GNG2: variants seen among roughly 807,000 people sequenced by gnomAD.
The protein encoded by GNG2 is G protein subunit gamma 2.
A neutral mutation model predicts 5.5 loss-of-function variants in GNG2; 5 were observed. That is an observed-to-expected ratio of 0.91 (90% CI 0.48 to 1.92). The LOEUF (loss-of-function observed/expected upper bound fraction) is 1.92, where lower values mean the gene tolerates loss of function less well. Among genes scored for constraint, GNG2 ranks in the 30% most tolerant of loss-of-function variants. GNG2 has a pLI of 0.01. For synonymous variants in GNG2, 28 were observed against 32.0 expected (o/e 0.88, Z 0.42); for missense variants, 55 against 88.4 (o/e 0.62, Z 1.52).
chr14:51,891,141 A>T (rs1218898530), intron 2 of GNG2, among the ~76,000 whole-genome samples: 3 of 152,204 alleles, frequency 2.0e-5, no homozygotes, highest in African/African-American at 7.2e-5. Context: ...AGTTGTCCTC[A>T]ATGATTAGCC....
upstream of GNG2, among the ~76,000 whole-genome samples, chr14:51,856,112 A>C (rs965198202): frequency 3.3e-5 from 5 of 152,176 alleles, no homozygotes; most frequent in Admixed American, 1.3e-4. Flanking sequence ...TGGGAGGTGG[A>C]GGTTGCAGTG....
intron 3 of GNG2, among the ~76,000 whole-genome samples, chr14:51,963,928 C>T (rs1889755825): frequency 6.6e-6 from 1 of 152,168 alleles, no homozygotes; most frequent in Non-Finnish European, 1.5e-5. Context: ...TTTTTACATA[C>T]ATATCATGTA....
chr14:51,899,323 T>C (rs1212057821), intron 2 of GNG2, among the ~76,000 whole-genome samples: 2 of 152,098 alleles, frequency 1.3e-5, no homozygotes, highest in Admixed American at 6.6e-5. Context: ...CCTACTCCCT[T>C]GAGGGTTAGG....
At chr14:51,911,802 G>C (rs1826465361) in intron 2 of GNG2, among the ~76,000 whole-genome samples, 1 of 147,530 alleles carries the variant, frequency 6.8e-6, no homozygotes, top group Admixed American at 6.8e-5. Context: ...GCCTACTTTG[G>C]CCTCCCAAAG....
At chr14:51,892,272 A>G (rs577789474) in intron 2 of GNG2, among the ~76,000 whole-genome samples, 1 of 152,074 alleles carries the variant, frequency 6.6e-6, no homozygotes, top group Admixed American at 6.5e-5. Flanking sequence ...TTTTCAAGCA[A>G]TATCGAGCCT....
At chr14:51,916,424 G>A (rs1375743082) in intron 2 of GNG2, 2 of 451,854 alleles carry the variant, frequency 4.4e-6, no homozygotes, top group Non-Finnish European at 8.9e-6. Context: ...GACCTATTTT[G>A]TACTAAGTTA....
chr14:51,867,370 C>T (rs946396852), intron 1 of GNG2, among the ~76,000 whole-genome samples: 3 of 152,168 alleles, frequency 2.0e-5, no homozygotes, highest in Admixed American at 6.5e-5. Flanking sequence ...ATGAAACTCA[C>T]ATGTCCAAAA....
chr14:51,827,125 A>T (rs1881049800), intron 1 of GNG2, among the ~76,000 whole-genome samples: 1 of 152,128 alleles, frequency 6.6e-6, no homozygotes, highest in Non-Finnish European at 1.5e-5. Context: ...TAATCTGGGG[A>T]TCTTTTAAAA....
intron 2 of GNG2, among the ~76,000 whole-genome samples, chr14:51,892,560 C>T (rs147268572): frequency 1.3e-5 from 2 of 152,284 alleles, no homozygotes; most frequent in East Asian, 3.9e-4. Context: ...CAGCCTACTC[C>T]CAAAGTGCCA....
At chr14:51,885,737 C>T (rs1035979358) in intron 2 of GNG2, among the ~76,000 whole-genome samples, 2 of 152,156 alleles carry the variant, frequency 1.3e-5, no homozygotes, top group Non-Finnish European at 2.9e-5. Flanking sequence ...AAAGAAAAAT[C>T]ATCAAGGAAA....
intron 2 of GNG2, among the ~76,000 whole-genome samples, chr14:51,910,954 T>G (rs1225990831): frequency 6.6e-6 from 1 of 152,200 alleles, no homozygotes; most frequent in Non-Finnish European, 1.5e-5. Flanking sequence ...CAACCTACTT[T>G]CCTCCCGTTT....
At chr14:51,901,987 A>G (rs1372154077) in intron 2 of GNG2, among the ~76,000 whole-genome samples, 4 of 149,864 alleles carry the variant, frequency 2.7e-5, no homozygotes, top group Non-Finnish European at 5.9e-5. Flanking sequence ...AAAAAAAAAA[A>G]AAAAAGACCA....
At chr14:51,841,356 A>T in intron 2 of GNG2, 1 of 461,982 alleles carries the variant, frequency 2.2e-6, no homozygotes, top group Non-Finnish European at 3.8e-6. Context: ...GTGATTCTGA[A>T]TATTTGACCA....
chr14:51,905,111 T>G (rs1406591753), intron 2 of GNG2, among the ~76,000 whole-genome samples: 1 of 152,230 alleles, frequency 6.6e-6, no homozygotes, highest in Non-Finnish European at 1.5e-5. Flanking sequence ...CTCTGCAACT[T>G]CTGACTTGGT....
intron 2 of GNG2, among the ~76,000 whole-genome samples, chr14:51,908,554 C>A (rs1566679374): frequency 7.1e-6 from 1 of 140,410 alleles, no homozygotes; most frequent in African/African-American, 2.9e-5. Flanking sequence ...ATCTATCTAT[C>A]TATCTATCCA....
At chr14:51,944,425 T>C (rs1888525775) in intron 2 of GNG2, among the ~76,000 whole-genome samples, 1 of 152,238 alleles carries the variant, frequency 6.6e-6, no homozygotes, top group Non-Finnish European at 1.5e-5. Flanking sequence ...ATATAATTTA[T>C]GCAGACTCCA....
intron 2 of GNG2, among the ~76,000 whole-genome samples, chr14:51,884,198 T>C (rs1006189421): frequency 2.0e-5 from 3 of 152,200 alleles, no homozygotes; most frequent in African/African-American, 7.2e-5. Context: ...ATTATGCTTA[T>C]TTTTAAAATG....
At chr14:51,931,240 G>A (rs1447357871) in intron 2 of GNG2, among the ~76,000 whole-genome samples, 1 of 152,244 alleles carries the variant, frequency 6.6e-6, no homozygotes, top group South Asian at 2.1e-4. Context: ...GGGTTTGCTG[G>A]TAGGTTGGAG....
intron 1 of GNG2, among the ~76,000 whole-genome samples, chr14:51,826,554 A>G (rs558361453): frequency 6.2e-4 from 95 of 152,332 alleles, no homozygotes; most frequent in African/African-American, 2.0e-3. Context: ...ACAACTGTAT[A>G]CATGCCATTA....
Sources: gnomAD v4.1 joint callset for allele counts (sites outside exome capture counted in the v4.1 genomes callset) on GRCh38, gnomAD v4.1.1 for gene constraint, MANE v1.5 for transcripts, NCBI Gene and HGNC (gene_info 2026-07-23, HGNC 2026-07-21) for gene names.